Variants in NELFA observed in about 807,000 individuals in gnomAD.
NELFA encodes negative elongation factor A.
NELFA carries 35 observed loss-of-function variants against 51.8 expected under a neutral mutation model. The ratio of observed to expected loss-of-function variants is 0.68; its 90% CI spans 0.52 to 0.90. The LOEUF (loss-of-function observed/expected upper bound fraction) is 0.90, where lower values mean the gene tolerates loss of function less well. NELFA is among the 40% of genes least tolerant of loss of function. NELFA has a pLI of 0.00. For synonymous variants in NELFA, 417 were observed against 338.4 expected, an observed-to-expected ratio of 1.23 and a Z score of -2.55; for missense variants, 658 against 746.4, an observed-to-expected ratio of 0.88 and a Z score of 1.38.
chr4:1,991,835 C>T, intron 1 of NELFA, 120 bp from the exon 2 acceptor site: 5 of 1,048,608 alleles, frequency 4.8e-6, no homozygotes, highest in Non-Finnish European at 5.4e-6. Flanking sequence ...GCCCCCAACA[C>T]TTCCTCCTGA....
chr4:1,998,572 T>A (rs1393309377), intron 1 of NELFA, among the ~76,000 whole-genome samples: 1 of 151,812 alleles, frequency 6.6e-6, no homozygotes, highest in Non-Finnish European at 1.5e-5. Flanking sequence ...ACCACCTTAC[T>A]GAAATAAGAC....
rs746382078 is a variant in NELFA at position 1,991,678 on chromosome 4, C to A, written c.248G>T (p.Ser83Ile). 3.1e-6 allele frequency: 5 copies of A among 1,611,614 alleles called. No individual in the cohort carries two copies. The African/African-American group carries it at 6.7e-5, about 22-fold the overall frequency. ...GALMEIIQLA[S>I]LDSDPWVLMV... ...GAGCACCCAGGGGTCCGAGTCGAGG[C>A]TGGCGAGCTGGATGATCTCCATTAG... Residue 83 changes from serine to isoleucine, a missense_variant, in exon 2 of 11, where the codon AGC becomes ATC. Physicochemically the swap from Ser to Ile is moderately radical, Grantham distance 142. Transcript: ENST00000382882.
intron 8 of NELFA, 78 bp downstream of exon 8, chr4:1,984,730 G>C (rs969315572): frequency 5.8e-6 from 6 of 1,038,662 alleles, no homozygotes; most frequent in Middle Eastern, 2.8e-4. Flanking sequence ...GAGAACCGCA[G>C]CCCTGGCAGC....
chr4:1,990,369 C>T (rs1391639731), intron 2 of NELFA: 1 of 456,876 alleles, frequency 2.2e-6, no homozygotes, highest in African/African-American at 2.0e-5. Flanking sequence ...CCAGAAACTG[C>T]CCCACGAGGG....
intron 1 of NELFA, 121 bp from the exon 2 acceptor site, chr4:1,991,836 T>G (rs906715776): frequency 5.8e-6 from 6 of 1,027,332 alleles, no homozygotes; most frequent in Non-Finnish European, 8.3e-6. Flanking sequence ...CCCCCAACAC[T>G]TCCTCCTGAG....
intron 1 of NELFA, among the ~76,000 whole-genome samples, chr4:2,008,468 G>T (rs1577634941): frequency 6.6e-6 from 1 of 150,640 alleles, no homozygotes; most frequent in South Asian, 2.1e-4. Context: ...ATTCCCAGGG[G>T]GCGAGGAGGG....
Position 1,983,329 on chromosome 4 carries a change from T to A in NELFA, c.1577A>T (p.Asn526Ile). Reference protein sequence around the residue: ...TRFKKYKPMTNVS With the variant: ...TRFKKYKPMTIVS Reference sequence around the variant, plus strand: ...GTGAGGCAGGTGGTTCTAGGACACATTGGTCATGGGCTTGTACTTCTTGAA... The same window carrying A: ...GTGAGGCAGGTGGTTCTAGGACACAATGGTCATGGGCTTGTACTTCTTGAA... Residue 526 changes from asparagine to isoleucine, a missense_variant, in exon 11 of 11, where the codon AAT (asparagine) becomes ATT (isoleucine). Around this residue, in one of 3 missense-constraint regions of NELFA, gnomAD observed 87 missense variants for 130.2 expected, o/e 0.67. Transcript: ENST00000382882. The A allele has an allele frequency of 6.2e-7, 1 of 1,613,972 alleles. No homozygotes were observed. Among genetic ancestry groups the A allele is most frequent in the Non-Finnish European group, 8.5e-7 (1 of 1,179,918 alleles).
In NELFA at chr4:1,986,023, C is replaced by A. The variant is rs1312511670; in HGVS notation, c.835+91G>T. 2.1e-6 allele frequency: 3 copies of A among 1,443,858 alleles called. No homozygotes were observed. In the East Asian group the frequency reaches 7.5e-5, roughly 36 times the overall value. 89.4% of individuals were successfully genotyped at this position (1,443,858 alleles called of 1,614,324 possible). A position where few individuals can be genotyped will look rare whatever the true frequency, so the allele number is the denominator to read the frequency against. Reference sequence around the variant, plus strand: ...GGAGAGCAGCCTCACGGGGCACAGCCCTGCCCGCCGAGCGTGGGCACAACC... The same window carrying A: ...GGAGAGCAGCCTCACGGGGCACAGCACTGCCCGCCGAGCGTGGGCACAACC... On this transcript the variant is annotated intron_variant, in intron 6 of 10. Coordinates refer to ENST00000382882, the MANE Select transcript of NELFA (RefSeq NM_005663.5).
chr4:1,984,993 G>A (rs554349557), intron 7 of NELFA, 74 bp from the exon 8 acceptor site: 7 of 1,095,380 alleles, frequency 6.4e-6, no homozygotes, highest in Middle Eastern at 2.0e-4. Flanking sequence ...GGCCCGACCC[G>A]GAGCTCCACT....
At chr4:1,985,684 A>T in intron 7 of NELFA, 92 bp downstream of exon 7, 1 of 902,584 alleles carries the variant, frequency 1.1e-6, no homozygotes, top group South Asian at 1.5e-5. Flanking sequence ...ATACATATAT[A>T]TATTCTCCGA....
chr4:1,988,141 G>C (rs1248799985), intron 3 of NELFA, 134 bp from the exon 4 acceptor site: 1 of 717,456 alleles, frequency 1.4e-6, no homozygotes, highest in Non-Finnish European at 2.2e-6. Context: ...ATGAGCAGCT[G>C]TTCCGAGCCG....
chr4:1,999,411 C>T (rs1728515256), intron 1 of NELFA, among the ~76,000 whole-genome samples: 1 of 151,880 alleles, frequency 6.6e-6, no homozygotes. Flanking sequence ...ATCTTACACG[C>T]AAAGACACAC....
intron 1 of NELFA, among the ~76,000 whole-genome samples, chr4:1,997,711 T>C (rs1393409856): frequency 6.6e-6 from 1 of 152,180 alleles, no homozygotes; most frequent in Non-Finnish European, 1.5e-5. Context: ...AAATGTTAAA[T>C]ATAGAATAAC....
chr4:1,984,813 G>A lies in NELFA; in HGVS notation c.1031C>T (p.Pro344Leu), dbSNP rs1413511745. Reference sequence around the variant, plus strand: ...GCTGGGGCCAGCAGACTCACCTGGGGGCGTCTCGGAGCTGGGGATGTAGGA... The same window carrying A: ...GCTGGGGCCAGCAGACTCACCTGGGAGCGTCTCGGAGCTGGGGATGTAGGA... ...ASSYIPSSET[P>L]PAPSSREASR... The change falls in exon 8 of 11, where the codon CCC (proline) becomes CTC (leucine). Residue 344 changes from proline (P) to leucine (L), a missense_variant. Physicochemically the swap from Pro to Leu is moderately conservative, Grantham distance 98. This residue lies in a region of NELFA where 200 missense variants were observed against 167.9 expected (regional missense o/e 1.19). Coordinates refer to ENST00000382882, the MANE Select transcript of NELFA (RefSeq NM_005663.5). 1.9e-6 allele frequency: 3 copies of A among 1,560,142 alleles called. No homozygotes were observed. The highest frequency in any genetic ancestry group is 1.7e-6 in the Non-Finnish European group (2 of 1,151,494).
rs147810343 is a variant in NELFA at position 1,985,955 on chromosome 4, G to A, written c.836-91C>T. 721 of 1,359,258 alleles carry A rather than the reference G, an allele frequency of 5.3e-4. 3 individuals carry two copies. In the African/African-American group the frequency reaches 9.4e-3, roughly 18 times the overall value. 84.2% of individuals were successfully genotyped at this position (1,359,258 alleles called of 1,614,324 possible). ...GCAGGGAATCAAACAGCTTCCCAGG[G>A]GAGGCCACCAAGGAGCGAGGAGAAA... On this transcript the variant is annotated intron_variant, in intron 6 of 10. Coordinates refer to ENST00000382882, the MANE Select transcript of NELFA (RefSeq NM_005663.5).
Position 1,989,389 on chromosome 4 carries a change from G to A in NELFA, c.544+319C>T, listed in dbSNP as rs1453815191. On this transcript the variant is annotated intron_variant, in intron 3 of 10. Coordinates refer to ENST00000382882, the MANE Select transcript of NELFA (RefSeq NM_005663.5). The surrounding 1 kb of genome is among the most constrained non-coding windows in gnomAD (Gnocchi z 4.8). ...CTCTCCCAGGCTGGAGTGTAGTGGT[G>A]TGATCACAGCTCACTGCAGCCTCAA... is the stretch of plus-strand genomic sequence containing the variant. Among the ~76,000 whole-genome samples the A allele has an allele frequency of 6.6e-6, 1 of 152,190 alleles. No homozygotes were observed. The highest frequency in any genetic ancestry group is 2.4e-5 in the African/African-American group (1 of 41,432).
chr4:1,993,317 C>G (rs1560872396), intron 1 of NELFA, among the ~76,000 whole-genome samples: 1 of 152,222 alleles, frequency 6.6e-6, no homozygotes, highest in Non-Finnish European at 1.5e-5. Context: ...CGCGGTAGCT[C>G]ATGTCTGTAG....
intron 1 of NELFA, among the ~76,000 whole-genome samples, chr4:1,998,810 C>T (rs1315131441): frequency 2.0e-5 from 3 of 152,188 alleles, no homozygotes; most frequent in Non-Finnish European, 4.4e-5. Flanking sequence ...CACTAAGACA[C>T]TCCATGAGAA....
intron 1 of NELFA, among the ~76,000 whole-genome samples, chr4:2,006,146 A>G (rs1728704445): frequency 6.6e-6 from 1 of 152,228 alleles, no homozygotes; most frequent in Admixed American, 6.5e-5. Context: ...ATCGATATGT[A>G]AATGACCAAA....
Sources: gnomAD v4.1 joint callset for allele counts (sites outside exome capture counted in the v4.1 genomes callset) on GRCh38, gnomAD v4.1.1 for gene constraint, gnomAD v4.1.1 regional missense constraint, Gnocchi (gnomAD v3.1) non-coding constraint, MANE v1.5 for transcripts, NCBI Gene and HGNC (gene_info 2026-07-23, HGNC 2026-07-21) for gene names.